CCDC158: variants seen among roughly 807,000 people sequenced by gnomAD.
CCDC158 encodes the protein coiled-coil domain containing 158, also known as coiled-coil domain-containing protein 158.
CCDC158 carries 116 observed loss-of-function variants against 138.6 expected under a neutral mutation model. The ratio of observed to expected loss-of-function variants is 0.84; its 90% CI spans 0.72 to 0.98. The LOEUF (loss-of-function observed/expected upper bound fraction) is 0.98, where lower values mean the gene tolerates loss of function less well. Ranked by LOEUF, CCDC158 falls within the 50% of genes least tolerant of loss-of-function variation. CCDC158 has a pLI of 0.00. For missense variants in CCDC158, 1,265 were observed against 1,306.1 expected (o/e 0.97, Z 0.48); for synonymous variants, 436 against 442.4 (o/e 0.99, Z 0.18).
intron 3 of CCDC158, among the ~76,000 whole-genome samples, chr4:76,399,677 C>G (rs1487413472): frequency 1.3e-5 from 2 of 151,888 alleles, no homozygotes; most frequent in Admixed American, 1.3e-4. Context: ...AAGGAGAGAT[C>G]AGGAAGGGAT....
At chr4:76,401,342 G>T (rs960121322) in intron 3 of CCDC158, 8 of 510,564 alleles carry the variant, frequency 1.6e-5, no homozygotes, top group Middle Eastern at 6.7e-4. Flanking sequence ...GAAGGGCAAG[G>T]ATTCTCTGTA....
At chr4:76,358,075 T>C (rs1351997393) in intron 13 of CCDC158, among the ~76,000 whole-genome samples, 2 of 152,134 alleles carry the variant, frequency 1.3e-5, no homozygotes, top group Non-Finnish European at 2.9e-5. Flanking sequence ...AAGCTCCAGC[T>C]CCATTTGTCC....
rs118180869 is a variant in CCDC158 at position 76,372,604 on chromosome 4, T to C, written c.1030-1068A>G. On this transcript the variant is annotated intron_variant, in intron 9 of 24. Transcript: ENST00000682701. ...AATGGTAACAAGTTATTAGCTATTG[T>C]CATTATTTTATAGCCACTACTTTTT... 1.6e-3 allele frequency among the ~76,000 whole-genome samples: 240 copies of C among 152,368 alleles called. 7 individuals carry two copies. In the East Asian group the frequency reaches 0.039, roughly 25 times the overall value.
Position 76,355,434 on chromosome 4 carries a change from T to C in CCDC158, c.2176A>G (p.Met726Val), listed in dbSNP as rs780043654. ...KSMEGSDGHA[M>V]KVAMGMQKQI... is the part of the protein sequence containing the mutation. ...TTTTGCATCCCCATTGCCACTTTCA[T>C]AGCTGGAAAAAAAAAAGAGGCAAAC... The change falls in exon 15 of 25, where the codon ATG (methionine) becomes GTG (valine). Residue 726 changes from methionine (M) to valine (V), a missense_variant and splice_region_variant. Coordinates refer to ENST00000682701, the MANE Select transcript of CCDC158 (RefSeq NM_001394954.1). 50 of 1,606,436 alleles carry C rather than the reference T, an allele frequency of 3.1e-5. No homozygotes were observed. In the East Asian group the frequency reaches 1.1e-3, roughly 36 times the overall value.
intron 18 of CCDC158, among the ~76,000 whole-genome samples, chr4:76,339,629 G>A (rs1234898178): frequency 1.3e-5 from 2 of 152,242 alleles, no homozygotes; most frequent in African/African-American, 2.4e-5. Flanking sequence ...GTCTTTGAAT[G>A]TTTACATATC....
chr4:76,331,200 G>A, intron 21 of CCDC158, 144 bp downstream of exon 21: 3 of 653,028 alleles, frequency 4.6e-6, no homozygotes, highest in Non-Finnish European at 7.8e-6. Flanking sequence ...GCAACTTGAG[G>A]ACAGAGCCCA....
Position 76,396,414 on chromosome 4 carries a change from A to T in CCDC158, c.143T>A (p.Leu48Ter). 6.2e-7 allele frequency: 1 copy of T among 1,614,110 alleles called. No homozygotes were observed. ...IIENTSSAGT[L>*]TQVPFFPKYE... ...TTTAGGGAAAAAAGGAACCTGTGTC[A>T]AAGTCCCAGCTGAAGATGTGTTTTC... Residue 48 changes from leucine to a stop codon, truncating the protein, a stop_gained, in exon 4 of 25, where the codon TTG becomes TAG. Coordinates refer to ENST00000682701, the MANE Select transcript of CCDC158 (RefSeq NM_001394954.1). LOFTEE classifies it high-confidence loss of function.
intron 1 of CCDC158, among the ~76,000 whole-genome samples, chr4:76,417,912 A>G (rs1232354863): frequency 6.6e-6 from 1 of 152,160 alleles, no homozygotes; most frequent in African/African-American, 2.4e-5. Flanking sequence ...GCTGCAGGGT[A>G]GCTAAGTGGG....
Position 76,339,217 on chromosome 4 carries a change from C to T in CCDC158, c.2665-5050G>A, listed in dbSNP as rs753678797. Among the ~76,000 whole-genome samples, 5 of 152,184 alleles carry T rather than the reference C, an allele frequency of 3.3e-5. No individual in the cohort carries two copies. The South Asian group carries it at 6.3e-4, about 19-fold the overall frequency. On this transcript the variant is annotated intron_variant, in intron 18 of 24. Transcript: ENST00000682701. ...AAGCAATTATTGAATGCCACCACTTCGTCAAATGTGTCTGCACCGAGAGCA... is the reference window on the plus strand; with the variant it reads ...AAGCAATTATTGAATGCCACCACTTTGTCAAATGTGTCTGCACCGAGAGCA...
Position 76,334,084 on chromosome 4 carries a change from A to T in CCDC158, c.2748T>A (p.Asn916Lys). The change falls in exon 19 of 25, where the codon AAT becomes AAA. Residue 916 changes from asparagine (N) to lysine (K), a missense_variant. Transcript: ENST00000682701. Reference sequence around the variant, plus strand: ...TGCTCAGAGACACAGCTGGCTCCTCATTGATCACGCTTCTCAACTCTTGGA... The same window carrying T: ...TGCTCAGAGACACAGCTGGCTCCTCTTTGATCACGCTTCTCAACTCTTGGA... ...QLLQELRSVI[N>K]EEPAVSLSKT... 6.2e-7 allele frequency: 1 copy of T among 1,613,908 alleles called. No individual in the cohort carries two copies. The highest frequency in any genetic ancestry group is 8.5e-7 in the Non-Finnish European group (1 of 1,179,858).
intron 13 of CCDC158, 46 bp downstream of exon 13, chr4:76,362,080 G>A: frequency 6.4e-7 from 1 of 1,553,004 alleles, no homozygotes; most frequent in South Asian, 1.1e-5. Context: ...TGGCTTCACT[G>A]CTAAGACTCT....
chr4:76,362,135 T>A lies in CCDC158; in HGVS notation c.2011A>T (p.Asn671Tyr), dbSNP rs755504983. 2.5e-6 allele frequency: 4 copies of A among 1,613,146 alleles called. No individual in the cohort carries two copies. In the Admixed American group the frequency reaches 6.7e-5, roughly 27 times the overall value. ...TGCTGAAGCAACATACCTGAAAGAT[T>A]GTTTAATTCACTCCTACTTGTTTTC... ...EVKTSRSELN[N>Y]LSEEYEVLKR... Residue 671 changes from asparagine to tyrosine, a missense_variant, in exon 13 of 25, where the codon AAT (asparagine) becomes TAT (tyrosine). Coordinates refer to ENST00000682701, the MANE Select transcript of CCDC158 (RefSeq NM_001394954.1).
chr4:76,397,907 G>A (rs1343390188), intron 3 of CCDC158, among the ~76,000 whole-genome samples: 2 of 152,140 alleles, frequency 1.3e-5, no homozygotes, highest in African/African-American at 4.8e-5. Flanking sequence ...TTGAATCCAG[G>A]TCTGAGGGAA....
At chr4:76,322,307 G>A (rs1720097779) in intron 24 of CCDC158, among the ~76,000 whole-genome samples, 1 of 152,096 alleles carries the variant, frequency 6.6e-6, no homozygotes, top group African/African-American at 2.4e-5. Context: ...GTGGATTTTG[G>A]AGTCAGAAAT....
At chr4:76,420,616 T>G (rs1374653901) in intron 1 of CCDC158, among the ~76,000 whole-genome samples, 1 of 152,166 alleles carries the variant, frequency 6.6e-6, no homozygotes, top group Non-Finnish European at 1.5e-5. Context: ...CACCAAGTCT[T>G]CCCCATCTCC....
At chr4:76,346,750 G>A (rs138248566) in intron 18 of CCDC158, among the ~76,000 whole-genome samples, 2,943 of 152,092 alleles carry the variant, frequency 0.019, 90 homozygotes, top group African/African-American at 0.065. Flanking sequence ...GCAACATACA[G>A]AATGAGAGAA....
chr4:76,390,153 A>T (rs1330753308), intron 4 of CCDC158, among the ~76,000 whole-genome samples: 1 of 152,174 alleles, frequency 6.6e-6, no homozygotes, highest in Non-Finnish European at 1.5e-5. Context: ...TTTTCAAGCC[A>T]TAGATAGTAC....
At chr4:76,401,112 C>A in intron 3 of CCDC158, 1 of 203,866 alleles carries the variant, frequency 4.9e-6, no homozygotes, top group Non-Finnish European at 9.9e-6. Flanking sequence ...TTTAAAATCT[C>A]AAAAAGTGAT....
chr4:76,404,717 T>C (rs1299759918), intron 2 of CCDC158, among the ~76,000 whole-genome samples: 1 of 151,582 alleles, frequency 6.6e-6, no homozygotes, highest in African/African-American at 2.4e-5. Flanking sequence ...GAATAAAAAA[T>C]AAAATAAAGA....
Sources: allele counts gnomAD v4.1 joint callset (sites outside exome capture counted in the v4.1 genomes callset), GRCh38; gene constraint gnomAD v4.1.1; transcripts MANE v1.5; gene names NCBI Gene and HGNC (gene_info 2026-07-23, HGNC 2026-07-21).